RECK: variants seen among roughly 807,000 people sequenced by gnomAD.
RECK encodes the protein reversion-inducing cysteine-rich protein with Kazal motifs.
A neutral mutation model predicts 115.1 loss-of-function variants in RECK; 69 were observed. That is an observed-to-expected ratio of 0.60 (90% CI 0.49 to 0.73). RECK has a LOEUF of 0.73. RECK is among the 30% of genes least tolerant of loss of function. The pLI, the probability that RECK is intolerant of heterozygous loss-of-function variation, is 0.00. For missense variants in RECK, 1,047 were observed against 1,203.7 expected (o/e 0.87, Z 1.93); for synonymous variants, 414 against 419.7 (o/e 0.99, Z 0.17).
intron 6 of RECK, among the ~76,000 whole-genome samples, chr9:36,070,828 A>G (rs1374090020): frequency 6.6e-6 from 1 of 152,232 alleles, no homozygotes; most frequent in Non-Finnish European, 1.5e-5. Flanking sequence ...TTGTGGGGTC[A>G]CCAGACCCTG....
At chr9:36,107,936 G>T (rs1319223591) in intron 13 of RECK, 40 bp from the exon 14 acceptor site, 1 of 1,450,830 alleles carries the variant, frequency 6.9e-7, no homozygotes, top group South Asian at 1.2e-5. Flanking sequence ...CAATGTCATA[G>T]AACAGTACCA....
At chr9:36,084,731 A>AGGAAGGGT (rs1822877972) in intron 8 of RECK, among the ~76,000 whole-genome samples, 1 of 137,848 alleles carries the variant, frequency 7.3e-6, no homozygotes, top group African/African-American at 2.6e-5. Flanking sequence ...GGAGGAAGGG[A>AGGAAGGGT]GGGAGGGAGG....
At chr9:36,069,797 A>G (rs1188882957) in intron 6 of RECK, among the ~76,000 whole-genome samples, 1 of 152,160 alleles carries the variant, frequency 6.6e-6, no homozygotes, top group Admixed American at 6.5e-5. Context: ...CAGCAGGATC[A>G]AAGGGAAAAA....
chr9:36,073,446 C>T (rs1822326671), intron 6 of RECK, among the ~76,000 whole-genome samples: 1 of 152,146 alleles, frequency 6.6e-6, no homozygotes, highest in Non-Finnish European at 1.5e-5. Context: ...GAGTTGCCTT[C>T]TAAATGTACC....
chr9:36,096,760 G>T (rs546683280), intron 10 of RECK, among the ~76,000 whole-genome samples: 1 of 152,196 alleles, frequency 6.6e-6, no homozygotes, highest in Non-Finnish European at 1.5e-5. Flanking sequence ...TGTGGGCAAA[G>T]ATTTTGTAGA....
Position 36,117,160 on chromosome 9 carries a change from T to C in RECK, c.2236T>C (p.Tyr746His). 6.2e-7 allele frequency: 1 copy of C among 1,611,936 alleles called. No individual in the cohort carries two copies. The highest frequency in any genetic ancestry group is 8.5e-7 in the Non-Finnish European group (1 of 1,178,636). The change falls in exon 17 of 21, where the codon TAC (tyrosine) becomes CAC (histidine). Residue 746 changes from tyrosine (Y) to histidine (H), a missense_variant. Transcript: ENST00000377966. ...TLYQRGKSLS[Y>H]KGPCQPFCRA... ...ATACCAAAGAGGAAAAAGCCTCTCT[T>C]ACAAAGGTCCCTGCCAGGTACAGTG...
chr9:36,063,539 A>C (rs1821866178), intron 4 of RECK, among the ~76,000 whole-genome samples: 1 of 152,194 alleles, frequency 6.6e-6, no homozygotes. Flanking sequence ...GAATGACTTA[A>C]AGAGCATTTA....
At chr9:36,058,993 A>C in intron 3 of RECK, 92 bp downstream of exon 3, 3 of 797,026 alleles carry the variant, frequency 3.8e-6, no homozygotes, top group Non-Finnish European at 5.5e-6. Context: ...TTTAAATGTG[A>C]TTGGAATTTG....
At chr9:36,098,850 G>A (rs1344151306) in intron 10 of RECK, among the ~76,000 whole-genome samples, 1 of 152,118 alleles carries the variant, frequency 6.6e-6, no homozygotes, top group Non-Finnish European at 1.5e-5. Flanking sequence ...TGTAATCTAT[G>A]GTGATAAAGA....
chr9:36,063,005 G>A (rs1207190424), intron 4 of RECK, among the ~76,000 whole-genome samples: 1 of 151,920 alleles, frequency 6.6e-6, no homozygotes, highest in Non-Finnish European at 1.5e-5. Context: ...CATGGTGGCA[G>A]ACGCCTGTAG....
chr9:36,037,716 C>T (rs942368086), intron 1 of RECK, among the ~76,000 whole-genome samples: 4 of 151,812 alleles, frequency 2.6e-5, no homozygotes, highest in Non-Finnish European at 4.4e-5. Flanking sequence ...GATTGCTTCC[C>T]GCTTGCTGGC....
At chr9:36,120,540 C>A in intron 18 of RECK, 123 bp from the exon 19 acceptor site, 1 of 718,000 alleles carries the variant, frequency 1.4e-6, no homozygotes, top group South Asian at 1.8e-5. Context: ...TATGAAGGTA[C>A]AGTCTTTGGG....
At position 36,112,575 on chromosome 9, in the gene RECK, A is replaced by G; in HGVS notation, c.2060+99A>G. ...TGAAAACAGAAAGGTAAATTAAGAA[A>G]TCGCTGCTGCCCTGAAGAGTTTGGA... On this transcript the variant is annotated intron_variant, in intron 16 of 20. Transcript: ENST00000377966. 4.0e-6 allele frequency: 5 copies of G among 1,262,922 alleles called. No individual in the cohort carries two copies. The South Asian group carries it at 6.8e-5, about 17-fold the overall frequency. The allele number at this position is 1,262,922 out of a possible 1,614,324, so 78.2% of individuals were successfully genotyped here. A position where few individuals can be genotyped will look rare whatever the true frequency, so the allele number is the denominator to read the frequency against.
chr9:36,124,392 A>G lies in RECK; in HGVS notation c.*1347A>G, dbSNP rs201902123. 7 of 152,736 alleles carry G rather than the reference A, an allele frequency of 4.6e-5. No individual in the cohort carries two copies. The East Asian group carries it at 1.3e-3, about 29-fold the overall frequency. The allele number at this position is 152,736 out of a possible 1,614,324, so 9.5% of individuals were successfully genotyped here. On this transcript the variant is annotated 3_prime_UTR_variant, in exon 21 of 21. Transcript: ENST00000377966. The stretch of plus-strand genomic sequence containing the variant: ...TTGCAATTGCCTTTTTTCTGTATAA[A>G]TGTCTTTAATGCAATATACTGGAAA...
chr9:36,069,086 A>T (rs912988938), intron 6 of RECK, among the ~76,000 whole-genome samples: 12 of 152,028 alleles, frequency 7.9e-5, no homozygotes, highest in African/African-American at 4.8e-5. Flanking sequence ...AGTTCATAAT[A>T]AAAAAAAGTC....
intron 6 of RECK, among the ~76,000 whole-genome samples, chr9:36,073,581 T>G: frequency 6.6e-6 from 1 of 152,166 alleles, no homozygotes; most frequent in East Asian, 1.9e-4. Context: ...TCTTATCTAC[T>G]ATATCCACTT....
intron 1 of RECK, among the ~76,000 whole-genome samples, chr9:36,039,315 A>G (rs566424991): frequency 5.8e-4 from 88 of 152,362 alleles, no homozygotes; most frequent in Non-Finnish European, 2.9e-4. Flanking sequence ...AGTATAGAAA[A>G]TGCTTTTCAA....
At chr9:36,080,143 T>A (rs1210124837) in intron 6 of RECK, among the ~76,000 whole-genome samples, 1 of 152,216 alleles carries the variant, frequency 6.6e-6, no homozygotes, top group Admixed American at 6.5e-5. Flanking sequence ...GGGTAAGGTC[T>A]AGGAAACTCA....
rs73648703 is a variant in RECK at position 36,051,934 on chromosome 9, A to C, written c.101-331A>C. 4.4e-3 allele frequency among the ~76,000 whole-genome samples: 666 copies of C among 152,330 alleles called. 6 individuals carry two copies. Among genetic ancestry groups the C allele is most frequent in the African/African-American group, 0.015 (626 of 41,568 alleles). Reference sequence around the variant, plus strand: ...ATTGGTTTAAAAATAGCTCTAGTCCATATGGTAATTGTAAGGATTAGATAA... The same window carrying C: ...ATTGGTTTAAAAATAGCTCTAGTCCCTATGGTAATTGTAAGGATTAGATAA... On this transcript the variant is annotated intron_variant, in intron 1 of 20. Coordinates refer to ENST00000377966, the MANE Select transcript of RECK (RefSeq NM_021111.3).
Sources: allele counts gnomAD v4.1 joint callset (sites outside exome capture counted in the v4.1 genomes callset), GRCh38; gene constraint gnomAD v4.1.1; transcripts MANE v1.5; gene names NCBI Gene and HGNC (gene_info 2026-07-23, HGNC 2026-07-21).